RALGPS1: variants seen among roughly 807,000 people sequenced by gnomAD.
The protein encoded by RALGPS1 is ras-specific guanine nucleotide-releasing factor RalGPS1.
In RALGPS1, 19 loss-of-function variants were observed where a neutral mutation model predicts 78.8. That is an observed-to-expected ratio of 0.24 (90% confidence interval 0.17 to 0.35). The LOEUF is 0.35. RALGPS1 is among the 10% of genes least tolerant of loss of function. The pLI is 1.00. For missense variants in RALGPS1, 454 were observed against 688.3 expected, an observed-to-expected ratio of 0.66 and a Z score of 3.81; for synonymous variants, 228 against 256.3, an observed-to-expected ratio of 0.89 and a Z score of 1.06.
At chr9:127,025,310 C>T (rs562254703) in intron 4 of RALGPS1, among the ~76,000 whole-genome samples, 5 of 152,226 alleles carry the variant, frequency 3.3e-5, no homozygotes, top group South Asian at 2.1e-4. Flanking sequence ...GGTGGAAATC[C>T]GGGTTGTTTC....
intron 5 of RALGPS1, among the ~76,000 whole-genome samples, chr9:127,048,352 C>A (rs1441805004): frequency 6.6e-6 from 1 of 152,204 alleles, no homozygotes; most frequent in African/African-American, 2.4e-5. Flanking sequence ...CTTCGAGAAG[C>A]CTTCCTCTGT....
chr9:127,189,759 G>A (rs762408302), intron 11 of RALGPS1, among the ~76,000 whole-genome samples: 10 of 152,172 alleles, frequency 6.6e-5, no homozygotes, highest in African/African-American at 2.4e-4. Context: ...GACCCCACAG[G>A]CAGAGAGCCA....
chr9:127,156,345 TA>T (rs1195481271), intron 8 of RALGPS1, among the ~76,000 whole-genome samples: 1 of 152,166 alleles, frequency 6.6e-6, no homozygotes, highest in East Asian at 1.9e-4. Flanking sequence ...GAAAACACAT[TA>T]TTTGACATCC....
intron 8 of RALGPS1, among the ~76,000 whole-genome samples, chr9:127,142,756 T>A (rs1298827018): frequency 2.6e-5 from 4 of 152,222 alleles, no homozygotes; most frequent in African/African-American, 9.7e-5. Flanking sequence ...TTCTTTGAGC[T>A]TGTTGACTCT....
At chr9:127,107,252 C>T (rs1466584191) in intron 8 of RALGPS1, 2 of 152,234 alleles carry the variant, frequency 1.3e-5, no homozygotes, top group Non-Finnish European at 2.9e-5. Flanking sequence ...ATGGAAATGT[C>T]CGGTGCCAGT....
intron 1 of RALGPS1, among the ~76,000 whole-genome samples, chr9:126,919,357 AG>A (rs1392696766): frequency 6.6e-6 from 1 of 152,236 alleles, no homozygotes; most frequent in Non-Finnish European, 1.5e-5. Context: ...TAGGAAAAAA[AG>A]TGGCCTTGGT....
intron 8 of RALGPS1, among the ~76,000 whole-genome samples, chr9:127,148,309 G>A (rs538246345): frequency 2.6e-5 from 4 of 152,342 alleles, no homozygotes; most frequent in African/African-American, 9.6e-5. Context: ...CAGTCGGGCT[G>A]GATGTGGGGC....
At chr9:127,125,443 T>TA (rs2056541937) in intron 8 of RALGPS1, among the ~76,000 whole-genome samples, 4 of 152,214 alleles carry the variant, frequency 2.6e-5, no homozygotes, top group Admixed American at 2.6e-4. Flanking sequence ...GCAACTTTCT[T>TA]ATTCTCTCCG....
chr9:127,098,477 C>T (rs892783074), intron 8 of RALGPS1, among the ~76,000 whole-genome samples: 2 of 152,122 alleles, frequency 1.3e-5, no homozygotes, highest in African/African-American at 2.4e-5. Flanking sequence ...AATGCAGCCC[C>T]GTGGCTGAGC....
intron 1 of RALGPS1, among the ~76,000 whole-genome samples, chr9:126,932,027 T>C (rs1287489387): frequency 6.6e-6 from 1 of 152,026 alleles, no homozygotes; most frequent in East Asian, 1.9e-4. Context: ...GTTGTTAGGC[T>C]GTTACGTTGG....
At chr9:127,039,560 C>T (rs2047120261) in intron 5 of RALGPS1, among the ~76,000 whole-genome samples, 1 of 151,938 alleles carries the variant, frequency 6.6e-6, no homozygotes. Flanking sequence ...TGAGCAGATC[C>T]TTAAGGATGT....
At chr9:127,029,495 G>A (rs1355601557) in intron 4 of RALGPS1, among the ~76,000 whole-genome samples, 1 of 152,218 alleles carries the variant, frequency 6.6e-6, no homozygotes, top group Non-Finnish European at 1.5e-5. Context: ...CATGGAGGGA[G>A]GAGGAAGAAG....
intron 11 of RALGPS1, chr9:127,177,968 C>T (rs1588361413): frequency 1.3e-6 from 2 of 1,546,832 alleles, no homozygotes; most frequent in Admixed American, 2.0e-5. Flanking sequence ...CAGAATGGAC[C>T]CCAGATGGTT....
intron 4 of RALGPS1, chr9:126,990,273 T>A: frequency 2.6e-6 from 1 of 391,650 alleles, no homozygotes; most frequent in Non-Finnish European, 4.6e-6. Context: ...ACCAACCTAG[T>A]CTAATCCACT....
intron 8 of RALGPS1, among the ~76,000 whole-genome samples, chr9:127,135,472 AT>A (rs2057328083): frequency 6.9e-6 from 1 of 144,758 alleles, no homozygotes; most frequent in Non-Finnish European, 1.5e-5. Context: ...GGCCAGGGAC[AT>A]GTGCCCCTGT....
Position 127,223,088 on chromosome 9 carries a change from A to G in RALGPS1, c.*4319A>G, listed in dbSNP as rs1027075313. The G allele has an allele frequency of 3.3e-5, 5 of 152,666 alleles. No homozygotes were observed. The highest frequency in any genetic ancestry group is 2.0e-4 in the Admixed American group (3 of 15,286). The allele number at this position is 152,666 out of a possible 1,614,324, so 9.5% of individuals were successfully genotyped here. On this transcript the variant is annotated 3_prime_UTR_variant, in exon 19 of 19. Coordinates refer to ENST00000259351, the MANE Select transcript of RALGPS1 (RefSeq NM_014636.3). The stretch of plus-strand genomic sequence containing the variant: ...GTATTTTTCAGCTTGTTACATTGAT[A>G]ATAATTATTTCACTAATTAAATACT...
chr9:127,208,220 G>T (rs1403179381), intron 14 of RALGPS1, among the ~76,000 whole-genome samples: 4 of 152,372 alleles, frequency 2.6e-5, no homozygotes, highest in Non-Finnish European at 5.9e-5. Context: ...TATTCTGGGA[G>T]ATCCCCAAGC....
At chr9:127,034,537 G>A (rs547253702) in intron 5 of RALGPS1, 23 bp downstream of exon 5, 2 of 1,602,870 alleles carry the variant, frequency 1.2e-6, no homozygotes, top group South Asian at 1.1e-5. Flanking sequence ...CCTTGCATGT[G>A]CCTATCCAGA....
At chr9:126,951,361 A>G (rs1260166889) in intron 1 of RALGPS1, among the ~76,000 whole-genome samples, 1 of 149,594 alleles carries the variant, frequency 6.7e-6, no homozygotes, top group Non-Finnish European at 1.5e-5. Flanking sequence ...CAGAGACACA[A>G]CCAAAAAAGA....
Sources: allele counts gnomAD v4.1 joint callset (sites outside exome capture counted in the v4.1 genomes callset), GRCh38; gene constraint gnomAD v4.1.1; transcripts MANE v1.5; gene names NCBI Gene and HGNC (gene_info 2026-07-23, HGNC 2026-07-21).